Variants in TMCO2 observed in about 807,000 individuals in gnomAD.
TMCO2 encodes transmembrane and coiled-coil domain-containing protein 2.
Under a neutral mutation model 18.0 loss-of-function variants are expected in TMCO2, and 15 were observed. The ratio of observed to expected loss-of-function variants is 0.84; its 90% CI spans 0.56 to 1.29. TMCO2 has a LOEUF of 1.29. Among genes scored for constraint, TMCO2 ranks in the 50% most tolerant of loss-of-function variants. The pLI, the probability that TMCO2 is intolerant of heterozygous loss-of-function variation, is 0.00. For synonymous variants in TMCO2, 79 were observed against 75.9 expected, an observed-to-expected ratio of 1.04 and a Z score of -0.21; for missense variants, 182 against 200.9, an observed-to-expected ratio of 0.91 and a Z score of 0.57.
At chr1:40,250,361 G>T (rs927697701) in intron 1 of TMCO2, among the ~76,000 whole-genome samples, 4 of 150,160 alleles carry the variant, frequency 2.7e-5, no homozygotes, top group Admixed American at 6.6e-5. Context: ...GACAGGGTCT[G>T]GCTATCTTGC....
chr1:40,250,714 AGT>A, intron 1 of TMCO2, among the ~76,000 whole-genome samples: 1 of 152,246 alleles, frequency 6.6e-6, no homozygotes, highest in Non-Finnish European at 1.5e-5. Context: ...GCAAAGGCAA[AGT>A]TACTTCCAGA....
At position 40,248,023 on chromosome 1, in the gene TMCO2, C is replaced by G; in HGVS notation, c.30C>G (p.Asp10Glu). 1 of 1,614,198 alleles carries G rather than the reference C, an allele frequency of 6.2e-7. No homozygotes were observed. Among genetic ancestry groups the G allele is most frequent in the Middle Eastern group, 1.6e-4 (1 of 6,062 alleles). MSTSSSSSW[D>E]NLLESLSLST... ...CAACATCTTCATCTTCTAGCTGGGA[C>G]AACCTCTTAGAGTCTCTCTCTCTCA... Residue 10 changes from aspartate to glutamate, a missense_variant, in exon 1 of 2, where the codon GAC (aspartate) becomes GAG (glutamate). Coordinates refer to ENST00000372766, the MANE Select transcript of TMCO2 (RefSeq NM_001008740.4).
intron 1 of TMCO2, 145 bp from the exon 2 acceptor site, chr1:40,251,138 A>G: frequency 2.3e-6 from 1 of 441,890 alleles, no homozygotes; most frequent in Non-Finnish European, 3.7e-6. Context: ...CTCCATCTCA[A>G]AAAAAAAAAA....
chr1:40,248,346 G>T, intron 1 of TMCO2, 116 bp downstream of exon 1: 1 of 871,140 alleles, frequency 1.1e-6, no homozygotes, highest in Non-Finnish European at 1.7e-6. Context: ...GCGAACCTTT[G>T]TCTCTTAAGT....
At chr1:40,248,975 C>A (rs1181845798) in intron 1 of TMCO2, among the ~76,000 whole-genome samples, 1 of 152,142 alleles carries the variant, frequency 6.6e-6, no homozygotes, top group Non-Finnish European at 1.5e-5. Flanking sequence ...GTTATTGGAT[C>A]ATTTTTTAGC....
chr1:40,251,518 G>A lies in TMCO2; in HGVS notation c.473G>A (p.Cys158Tyr). ...VAQKPATKRD[C>Y]SSEPYCSCSD... ...CAAAAACCTGCCACGAAGAGGGATT[G>A]CTCCTCTGAGCCCTACTGCAGCTGC... The change falls in exon 2 of 2, where the codon TGC becomes TAC. Residue 158 changes from cysteine to tyrosine, a missense_variant. Physicochemically the swap from Cys to Tyr is radical, Grantham distance 194. Coordinates refer to ENST00000372766, the MANE Select transcript of TMCO2 (RefSeq NM_001008740.4). The A allele has an allele frequency of 6.2e-7, 1 of 1,613,950 alleles. No individual in the cohort carries two copies. Among genetic ancestry groups the A allele is most frequent in the Non-Finnish European group, 8.5e-7 (1 of 1,180,000 alleles).
At chr1:40,250,869 GGCTTAC>G (rs1643377169) in intron 1 of TMCO2, among the ~76,000 whole-genome samples, 1 of 152,238 alleles carries the variant, frequency 6.6e-6, no homozygotes, top group African/African-American at 2.4e-5. Context: ...CGGGCATGGT[GGCTTAC>G]GCCTGTAATC....
intron 1 of TMCO2, among the ~76,000 whole-genome samples, chr1:40,249,363 C>A (rs569492370): frequency 1.3e-4 from 19 of 150,164 alleles, no homozygotes; most frequent in Middle Eastern, 3.4e-3. Flanking sequence ...ATGTGTAAAT[C>A]TTAGCACATA....
At chr1:40,249,667 T>G (rs916482313) in intron 1 of TMCO2, among the ~76,000 whole-genome samples, 4 of 152,132 alleles carry the variant, frequency 2.6e-5, no homozygotes, top group South Asian at 2.1e-4. Context: ...ATACATATTC[T>G]TTTGTTATTT....
intron 1 of TMCO2, among the ~76,000 whole-genome samples, chr1:40,250,111 C>T (rs1016383541): frequency 1.3e-5 from 2 of 151,802 alleles, no homozygotes; most frequent in African/African-American, 4.8e-5. Flanking sequence ...ATCCTCCTGC[C>T]TCAGCCTCCT....
At chr1:40,251,115 T>C (rs61781064) in intron 1 of TMCO2, among the ~76,000 whole-genome samples, 168 bp from the exon 2 acceptor site, 7,216 of 128,092 alleles carry the variant, frequency 0.056, 553 homozygotes, top group African/African-American at 0.2. Flanking sequence ...CCAGCCTGGG[T>C]GACAGAGTGA....
Position 40,248,047 on chromosome 1 carries a change from C to T in TMCO2, c.54C>T (p.Leu18=). The T allele has an allele frequency of 6.2e-7, 1 of 1,614,218 alleles. No homozygotes were observed. The highest frequency in any genetic ancestry group is 8.5e-7 in the Non-Finnish European group (1 of 1,180,032). The change falls in exon 1 of 2, where the codon CTC becomes CTT. Residue 18 remains leucine, a synonymous_variant. Transcript: ENST00000372766. The part of the protein sequence containing the change: ...SWDNLLESLS[L]STVWNWIQAS... ...ACAACCTCTTAGAGTCTCTCTCTCTCAGCACAGTATGGAATTGGATACAAG... is the reference window on the plus strand; with the variant it reads ...ACAACCTCTTAGAGTCTCTCTCTCTTAGCACAGTATGGAATTGGATACAAG...
At chr1:40,250,962 C>T (rs1471038694) in intron 1 of TMCO2, among the ~76,000 whole-genome samples, 1 of 151,998 alleles carries the variant, frequency 6.6e-6, no homozygotes, top group Non-Finnish European at 1.5e-5. Flanking sequence ...ACGGTGAAAC[C>T]TCGTCTCTAT....
At position 40,251,435 on chromosome 1, in the gene TMCO2, G is replaced by GA. The variant is rs771296915; in HGVS notation, c.396dup (p.Leu133ThrfsTer2). On this transcript the variant is annotated frameshift_variant, in exon 2 of 2. Transcript: ENST00000372766. LOFTEE classifies it high-confidence loss of function. ...CCTTGGGTCTGCAAGAGAAAATTTT[G>GA]AAAAAACTTAAGACAGTGGAAAACA... is the stretch of plus-strand genomic sequence containing the variant. The GA allele has an allele frequency of 1.9e-6, 3 of 1,612,638 alleles. No individual in the cohort carries two copies. The African/African-American group carries it at 4.0e-5, about 22-fold the overall frequency.
At chr1:40,251,219 TG>T (rs1230954584) in intron 1 of TMCO2, 63 bp from the exon 2 acceptor site, 1 of 1,418,264 alleles carries the variant, frequency 7.1e-7, no homozygotes, top group East Asian at 2.3e-5. Context: ...GTTTTTGTTT[TG>T]TTTTTCTCTT....
At chr1:40,248,306 C>T (rs1643354956) in intron 1 of TMCO2, 76 bp downstream of exon 1, 1 of 1,287,106 alleles carries the variant, frequency 7.8e-7, no homozygotes, top group Non-Finnish European at 1.1e-6. Context: ...ATTGCTGCCA[C>T]CAGTTTTAAG....
chr1:40,251,166 T>C, intron 1 of TMCO2, 117 bp from the exon 2 acceptor site: 1 of 847,490 alleles, frequency 1.2e-6, no homozygotes, highest in South Asian at 1.7e-5. Context: ...ATTTGCTAAA[T>C]GGGAGACTTG....
intron 1 of TMCO2, among the ~76,000 whole-genome samples, chr1:40,250,318 A>AAAAAAAATAT (rs1553178359): frequency 2.0e-4 from 29 of 145,810 alleles, no homozygotes; most frequent in African/African-American, 6.8e-4. Context: ...ATATAAATAA[A>AAAAAAAATAT]ATATATATAT....
At position 40,247,951 on chromosome 1, in the gene TMCO2, G is replaced by A; in HGVS notation, c.-43G>A. On this transcript the variant is annotated 5_prime_UTR_variant, in exon 1 of 2. Coordinates refer to ENST00000372766, the MANE Select transcript of TMCO2 (RefSeq NM_001008740.4). ...CCCCCTAACTCATATTTAGATTCCTGAAGCTTCTGCACATGTAGTTCCTAG... is the reference window on the plus strand; with the variant it reads ...CCCCCTAACTCATATTTAGATTCCTAAAGCTTCTGCACATGTAGTTCCTAG... The A allele has an allele frequency of 2.0e-6, 3 of 1,500,182 alleles. No homozygotes were observed. The highest frequency in any genetic ancestry group is 2.8e-6 in the Non-Finnish European group (3 of 1,078,710). The allele number at this position is 1,500,182 out of a possible 1,614,324, so 92.9% of individuals were successfully genotyped here.
Sources: gnomAD v4.1 joint callset for allele counts (sites outside exome capture counted in the v4.1 genomes callset) on GRCh38, gnomAD v4.1.1 for gene constraint, MANE v1.5 for transcripts, NCBI Gene and HGNC (gene_info 2026-07-23, HGNC 2026-07-21) for gene names.